Variants in TTC9 observed in about 807,000 individuals in gnomAD.
TTC9 encodes the protein tetratricopeptide repeat protein 9A.
A neutral mutation model predicts 22.9 loss-of-function variants in TTC9; 13 were observed. That is an observed-to-expected ratio of 0.57 (90% CI 0.37 to 0.90). The LOEUF is 0.90. TTC9 is among the 40% of genes least tolerant of loss of function. The pLI is 0.01. For missense variants in TTC9, 280 were observed against 291.8 expected (o/e 0.96, Z 0.29); for synonymous variants, 148 against 133.2 (o/e 1.11, Z -0.77).
At chr14:70,657,693 C>T (rs1297634784) in intron 1 of TTC9, among the ~76,000 whole-genome samples, 10 of 152,150 alleles carry the variant, frequency 6.6e-5, no homozygotes, top group African/African-American at 4.8e-5. Flanking sequence ...GGGCCAGACA[C>T]GGTGGCTCAC....
At chr14:70,655,863 C>A (rs1273738640) in intron 1 of TTC9, among the ~76,000 whole-genome samples, 2 of 152,178 alleles carry the variant, frequency 1.3e-5, no homozygotes, top group Non-Finnish European at 2.9e-5. Flanking sequence ...ATTTGGCCAT[C>A]AGACCACCAG....
In TTC9 at chr14:70,667,808, C is replaced by T. The variant is rs1359437522; in HGVS notation, c.589+62C>T. The T allele has an allele frequency of 4.7e-6, 7 of 1,498,190 alleles. No homozygotes were observed. The African/African-American group carries it at 8.4e-5, about 18-fold the overall frequency. 92.8% of individuals were successfully genotyped at this position (1,498,190 alleles called of 1,614,324 possible). ...GCTCTGGTGGCTCCTGGGACCTTCT[C>T]ATTTCAGCAGTTTTCTTGGCTAGGA... On this transcript the variant is annotated intron_variant, in intron 2 of 2. Transcript: ENST00000256367.
intron 1 of TTC9, among the ~76,000 whole-genome samples, chr14:70,657,773 C>T (rs1244823434): frequency 1.3e-5 from 2 of 152,176 alleles, no homozygotes; most frequent in Non-Finnish European, 2.9e-5. Context: ...CAAGACCAGC[C>T]TGGGTAACAT....
At chr14:70,661,845 C>T (rs996986793) in intron 1 of TTC9, among the ~76,000 whole-genome samples, 4 of 152,200 alleles carry the variant, frequency 2.6e-5, no homozygotes, top group African/African-American at 7.2e-5. Flanking sequence ...ACACCCTAAC[C>T]GCCTAAGGCT....
intron 1 of TTC9, among the ~76,000 whole-genome samples, chr14:70,659,462 TAGG>T (rs1886115464): frequency 6.6e-6 from 1 of 152,168 alleles, no homozygotes; most frequent in Non-Finnish European, 1.5e-5. Context: ...TCAGCCCTGT[TAGG>T]ATAACAGTAG....
intron 1 of TTC9, among the ~76,000 whole-genome samples, chr14:70,656,206 C>G (rs1886063381): frequency 9.7e-6 from 1 of 103,302 alleles, no homozygotes; most frequent in African/African-American, 3.9e-5. Context: ...ATTCTTCACC[C>G]TGATACACAC....
At chr14:70,660,164 G>C (rs923633107) in intron 1 of TTC9, among the ~76,000 whole-genome samples, 1 of 152,128 alleles carries the variant, frequency 6.6e-6, no homozygotes, top group Non-Finnish European at 1.5e-5. Context: ...CCTTGGCCGG[G>C]GTTCTTATTC....
chr14:70,642,875 CCA>C (rs1280832536), intron 1 of TTC9, among the ~76,000 whole-genome samples: 1 of 152,224 alleles, frequency 6.6e-6, no homozygotes, highest in Non-Finnish European at 1.5e-5. Flanking sequence ...GCCCCCGCAG[CCA>C]CCGCTAGCCC....
At chr14:70,664,376 G>A (rs570347102) in intron 1 of TTC9, among the ~76,000 whole-genome samples, 44 of 151,718 alleles carry the variant, frequency 2.9e-4, no homozygotes, top group East Asian at 5.8e-4. Context: ...TGCAGGTAGC[G>A]CTGAGGCCAG....
At chr14:70,642,568 C>G (rs1276441848) in intron 1 of TTC9, 33 bp downstream of exon 1, 8 of 1,515,428 alleles carry the variant, frequency 5.3e-6, no homozygotes, top group East Asian at 2.5e-5. Flanking sequence ...CGCCGCGGTC[C>G]CCGTTCTTCG....
chr14:70,652,434 C>G (rs940140062), intron 1 of TTC9, among the ~76,000 whole-genome samples: 2 of 152,174 alleles, frequency 1.3e-5, no homozygotes, highest in Non-Finnish European at 2.9e-5. Context: ...GCCCTGGAAT[C>G]TAAATTGATG....
chr14:70,669,385 TC>T (rs765165263), intron 2 of TTC9, among the ~76,000 whole-genome samples: 6 of 151,924 alleles, frequency 3.9e-5, no homozygotes, highest in Non-Finnish European at 7.4e-5. Context: ...GCTCAAATGA[TC>T]CTCCCACCTC....
intron 1 of TTC9, among the ~76,000 whole-genome samples, chr14:70,654,880 G>A (rs1886039724): frequency 2.0e-5 from 3 of 152,122 alleles, no homozygotes; most frequent in Admixed American, 2.0e-4. Flanking sequence ...TAACAGCTCT[G>A]CATTTGCCTT....
Position 70,641,940 on chromosome 14 carries a change from T to G in TTC9, c.-190T>G, listed in dbSNP as rs1594732045. On this transcript the variant is annotated 5_prime_UTR_variant, in exon 1 of 3. Coordinates refer to ENST00000256367, the MANE Select transcript of TTC9 (RefSeq NM_015351.2). Reference sequence around the variant, plus strand: ...CGTCCGAGGCGGCGGCGGCGGCGGCTGGAGCAGCCTCTGGCAGCAGCGGGG... The same window carrying G: ...CGTCCGAGGCGGCGGCGGCGGCGGCGGGAGCAGCCTCTGGCAGCAGCGGGG... The G allele has an allele frequency of 4.8e-6, 1 of 208,536 alleles. No homozygotes were observed. Among genetic ancestry groups the G allele is most frequent in the Non-Finnish European group, 8.1e-6 (1 of 123,998 alleles). The allele number at this position is 208,536 out of a possible 1,614,324, so 12.9% of individuals were successfully genotyped here.
At position 70,642,335 on chromosome 14, in the gene TTC9, A is replaced by T; in HGVS notation, c.206A>T (p.Lys69Met). 6.3e-7 allele frequency: 1 copy of T among 1,596,498 alleles called. No homozygotes were observed. The highest frequency in any genetic ancestry group is 8.5e-7 in the Non-Finnish European group (1 of 1,172,552). ...EFKSQGAQCY[K>M]DKKFREAIGK... ...AAAAGCCAAGGGGCGCAGTGCTACA[A>T]GGACAAGAAATTCCGTGAAGCCATA... Residue 69 changes from lysine to methionine, a missense_variant, in exon 1 of 3, where the codon AAG becomes ATG. Transcript: ENST00000256367.
chr14:70,660,165 GTTC>G (rs1205423502), intron 1 of TTC9, among the ~76,000 whole-genome samples: 1 of 152,156 alleles, frequency 6.6e-6, no homozygotes. Context: ...CTTGGCCGGG[GTTC>G]TTATTCTCCA....
Position 70,642,235 on chromosome 14 carries a change from G to A in TTC9, c.106G>A (p.Gly36Arg). The A allele has an allele frequency of 2.2e-6, 3 of 1,337,378 alleles. No homozygotes were observed. Among genetic ancestry groups the A allele is most frequent in the Non-Finnish European group, 2.9e-6 (3 of 1,044,226 alleles). The allele number at this position is 1,337,378 out of a possible 1,614,324, so 82.8% of individuals were successfully genotyped here. ...PPPLCVPGGG[G>R]GAPARGQVGA... is the part of the protein sequence containing the mutation. ...GCCGCTGTGCGTCCCGGGCGGCGGC[G>A]GAGGAGCCCCAGCGAGGGGCCAGGT... The change falls in exon 1 of 3, where the codon GGA (glycine) becomes AGA (arginine). Residue 36 changes from glycine to arginine, a missense_variant. Physicochemically the swap from Gly to Arg is moderately radical, Grantham distance 125. Transcript: ENST00000256367.
chr14:70,667,901 C>T (rs539599163), intron 2 of TTC9, among the ~76,000 whole-genome samples, 155 bp downstream of exon 2: 36 of 152,258 alleles, frequency 2.4e-4, no homozygotes, highest in African/African-American at 8.2e-4. Context: ...AAGAGGAGCA[C>T]ACAGCCCATG....
In TTC9 at chr14:70,673,472, T is replaced by G. The variant is rs1886324826; in HGVS notation, c.*2317T>G. ...CTGCCACATTCTCCCCAATCCCTAC[T>G]ATATTATGCTGTCTTTCCTCTTCCT... On this transcript the variant is annotated 3_prime_UTR_variant, in exon 3 of 3. Transcript: ENST00000256367. 6.6e-6 allele frequency: 1 copy of G among 152,222 alleles called. No homozygotes were observed. The highest frequency in any genetic ancestry group is 1.5e-5 in the Non-Finnish European group (1 of 68,058). The allele number at this position is 152,222 out of a possible 1,614,324, so 9.4% of individuals were successfully genotyped here.
Sources: allele counts gnomAD v4.1 joint callset (sites outside exome capture counted in the v4.1 genomes callset), GRCh38; gene constraint gnomAD v4.1.1; transcripts MANE v1.5; gene names NCBI Gene and HGNC (gene_info 2026-07-23, HGNC 2026-07-21).